Variants in LASP1 observed in about 807,000 individuals in gnomAD.
LASP1 encodes the protein LIM and SH3 protein 1.
A neutral mutation model predicts 38.6 loss-of-function variants in LASP1; 10 were observed. The ratio of observed to expected loss-of-function variants is 0.26; its 90% CI spans 0.16 to 0.44. The LOEUF (loss-of-function observed/expected upper bound fraction) is 0.44. LASP1 is among the 20% of genes least tolerant of loss of function. The pLI is 1.00. For synonymous variants in LASP1, 132 were observed against 140.8 expected, an observed-to-expected ratio of 0.94 and a Z score of 0.44; for missense variants, 243 against 375.7, an observed-to-expected ratio of 0.65 and a Z score of 2.92.
intron 4 of LASP1, among the ~76,000 whole-genome samples, chr17:38,912,743 C>T (rs1002776853): frequency 6.6e-6 from 1 of 152,130 alleles, no homozygotes; most frequent in Admixed American, 6.5e-5. Context: ...AACACCGAGG[C>T]CGGTGTTCTC....
intron 1 of LASP1, among the ~76,000 whole-genome samples, chr17:38,877,531 C>T (rs1003077073): frequency 3.3e-5 from 5 of 152,112 alleles, no homozygotes; most frequent in African/African-American, 4.8e-5. Context: ...TGGGAGGTAT[C>T]GGAGCTGTAG....
intron 3 of LASP1, among the ~76,000 whole-genome samples, chr17:38,894,898 C>T (rs774028735): frequency 3.9e-5 from 6 of 151,944 alleles, no homozygotes; most frequent in African/African-American, 9.7e-5. Flanking sequence ...TCACCATGCC[C>T]GGCTAATTTT....
chr17:38,886,457 C>T (rs955049971), intron 2 of LASP1, among the ~76,000 whole-genome samples: 2 of 152,144 alleles, frequency 1.3e-5, no homozygotes, highest in African/African-American at 4.8e-5. Flanking sequence ...TAATCTGATG[C>T]AGGATTAAAA....
At chr17:38,894,124 G>A (rs558877673) in intron 3 of LASP1, among the ~76,000 whole-genome samples, 101 of 152,020 alleles carry the variant, frequency 6.6e-4, no homozygotes, top group Non-Finnish European at 1.3e-3. Context: ...CCTGGCTGAG[G>A]CAGGGGGCTG....
At chr17:38,891,418 G>T (rs959977817) in intron 3 of LASP1, among the ~76,000 whole-genome samples, 1 of 152,026 alleles carries the variant, frequency 6.6e-6, no homozygotes, top group Non-Finnish European at 1.5e-5. Flanking sequence ...AGGGAGAACC[G>T]ACCCTGCCTT....
At chr17:38,914,865 C>T in intron 5 of LASP1, 178 bp from the exon 6 acceptor site, 1 of 632,594 alleles carries the variant, frequency 1.6e-6, no homozygotes, top group South Asian at 1.9e-5. Flanking sequence ...GCTCAGAGCC[C>T]CTGCGTGGGA....
At chr17:38,885,187 G>A (rs562964067) in intron 2 of LASP1, among the ~76,000 whole-genome samples, 6 of 152,294 alleles carry the variant, frequency 3.9e-5, no homozygotes, top group African/African-American at 9.6e-5. Flanking sequence ...CCTCCCCTTC[G>A]CTGTCTGGGC....
In LASP1 at chr17:38,900,197, CAAA is replaced by C. The variant is rs56008544; in HGVS notation, c.357+1701_357+1703del. 3.8e-4 allele frequency among the ~76,000 whole-genome samples: 26 copies of C among 67,582 alleles called. No homozygotes were observed. In the South Asian group the frequency reaches 4.7e-3, roughly 12 times the overall value. The allele number at this position is 67,582 out of a possible 152,430, so 44.3% of individuals were successfully genotyped here. A position where few individuals can be genotyped will look rare whatever the true frequency, so the allele number is the denominator to read the frequency against. On this transcript the variant is annotated intron_variant, in intron 4 of 6. Transcript: ENST00000318008. Reference sequence around the variant, plus strand: ...GGGCAACATAGCAAAACTGTTTCTACAAAAAAAAAAAAAAAAAAAAAAAAATAC... The same window carrying C: ...GGGCAACATAGCAAAACTGTTTCTACAAAAAAAAAAAAAAAAAAAAAATAC...
At chr17:38,905,843 G>A (rs1047249346) in intron 4 of LASP1, among the ~76,000 whole-genome samples, 14 of 152,050 alleles carry the variant, frequency 9.2e-5, no homozygotes, top group African/African-American at 3.1e-4. Flanking sequence ...GATTGCTTGA[G>A]GCCAGGAGTT....
At chr17:38,891,405 A>T (rs9889726) in intron 3 of LASP1, among the ~76,000 whole-genome samples, 1 of 151,782 alleles carries the variant, frequency 6.6e-6, no homozygotes, top group Non-Finnish European at 1.5e-5. Context: ...GCCCGGGTCC[A>T]TCAGGGAGAA....
Position 38,914,478 on chromosome 17 carries a change from G to A in LASP1, c.508+3G>A, listed in dbSNP as rs112961883. The stretch of plus-strand genomic sequence containing the variant: ...CCACATCCCGACCAGTGCCCCGGGT[G>A]AGTGCAGGTCCTGTTGGTGCAGATG... On this transcript the variant is annotated splice_donor_region_variant and intron_variant, in intron 5 of 6. Coordinates refer to ENST00000318008, the MANE Select transcript of LASP1 (RefSeq NM_006148.4). The A allele has an allele frequency of 6.9e-6, 11 of 1,598,760 alleles. No homozygotes were observed. Among genetic ancestry groups the A allele is most frequent in the Non-Finnish European group, 9.4e-6 (11 of 1,173,146 alleles).
At chr17:38,898,649 G>A (rs1353439659) in intron 4 of LASP1, 130 bp downstream of exon 4, 1 of 736,006 alleles carries the variant, frequency 1.4e-6, no homozygotes, top group Admixed American at 2.0e-5. Context: ...CCTCCAGGGT[G>A]GGCCTGGGGA....
At chr17:38,897,717 C>G (rs1434971779) in intron 3 of LASP1, among the ~76,000 whole-genome samples, 1 of 152,188 alleles carries the variant, frequency 6.6e-6, no homozygotes, top group Non-Finnish European at 1.5e-5. Flanking sequence ...CCTCCTATGG[C>G]GGTGGCCTCT....
intron 3 of LASP1, chr17:38,896,835 C>A: frequency 1.2e-6 from 1 of 869,356 alleles, no homozygotes; most frequent in Non-Finnish European, 1.4e-6. Context: ...TGGCTTTGTG[C>A]CCAGACTTGG....
chr17:38,905,658 A>T (rs1328786409), intron 4 of LASP1, among the ~76,000 whole-genome samples: 1 of 151,958 alleles, frequency 6.6e-6, no homozygotes, highest in Non-Finnish European at 1.5e-5. Context: ...ATGTGCTCAG[A>T]TATGTTCACT....
intron 4 of LASP1, among the ~76,000 whole-genome samples, chr17:38,899,829 A>AT (rs1267355718): frequency 2.1e-5 from 3 of 145,874 alleles, no homozygotes; most frequent in Non-Finnish European, 4.5e-5. Context: ...GGTTCAAGTG[A>AT]TTCTCCTGCC....
chr17:38,876,701 G>A (rs1328885926), intron 1 of LASP1, among the ~76,000 whole-genome samples: 1 of 149,584 alleles, frequency 6.7e-6, no homozygotes, highest in Non-Finnish European at 1.5e-5. Context: ...TCTTCCCTCC[G>A]TCGGCCACCC....
chr17:38,893,470 G>A (rs1433162516), intron 3 of LASP1, among the ~76,000 whole-genome samples: 1 of 152,202 alleles, frequency 6.6e-6, no homozygotes, highest in African/African-American at 2.4e-5. Context: ...TGTATGCTCT[G>A]AGGGGTGCCA....
chr17:38,885,783 C>A (rs1286082673), intron 2 of LASP1, among the ~76,000 whole-genome samples: 1 of 152,156 alleles, frequency 6.6e-6, no homozygotes, highest in East Asian at 1.9e-4. Flanking sequence ...CTGCTGGGAT[C>A]TAGGGGTAAT....
Sources: gnomAD v4.1 joint callset for allele counts (sites outside exome capture counted in the v4.1 genomes callset) on GRCh38, gnomAD v4.1.1 for gene constraint, MANE v1.5 for transcripts, NCBI Gene and HGNC (gene_info 2026-07-23, HGNC 2026-07-21) for gene names.